STXBP5L: variants seen among roughly 807,000 people sequenced by gnomAD.
STXBP5L encodes the protein syntaxin-binding protein 5-like.
In STXBP5L, 65 loss-of-function variants were observed where a neutral mutation model predicts 144.5. That is an observed-to-expected ratio of 0.45 (90% CI 0.37 to 0.55). The LOEUF (loss-of-function observed/expected upper bound fraction) is 0.55, where lower values mean the gene tolerates loss of function less well. Among genes scored for constraint, STXBP5L ranks in the 20% least tolerant of loss-of-function variants. STXBP5L has a pLI of 0.00. For synonymous variants in STXBP5L, 505 were observed against 469.6 expected, an observed-to-expected ratio of 1.08 and a Z score of -0.97; for missense variants, 1,298 against 1,405.5, an observed-to-expected ratio of 0.92 and a Z score of 1.22.
chr3:121,110,171 CTG>C (rs1368709651), intron 5 of STXBP5L, among the ~76,000 whole-genome samples: 6 of 152,154 alleles, frequency 3.9e-5, no homozygotes, highest in African/African-American at 1.4e-4. Context: ...GCTTGCCATT[CTG>C]TGTCTTTTAA....
chr3:121,094,506 A>G (rs1332174324), intron 5 of STXBP5L, among the ~76,000 whole-genome samples: 10 of 152,158 alleles, frequency 6.6e-5, no homozygotes, highest in East Asian at 1.9e-4. Flanking sequence ...TTGTTGAATT[A>G]GTCCCTTTAC....
Position 121,087,819 on chromosome 3 carries a change from G to A in STXBP5L, c.471-27106G>A, listed in dbSNP as rs370370629. On this transcript the variant is annotated intron_variant, in intron 5 of 26. Coordinates refer to ENST00000471454, the MANE Select transcript of STXBP5L (RefSeq NM_001308330.2). ...TTTGACTTATTATTAGTTAATTTTA[G>A]TGTATTTCTTTGTATCACTTTTTAA... Among the ~76,000 whole-genome samples the A allele has an allele frequency of 4.9e-4, 75 of 151,760 alleles. No individual in the cohort carries two copies. In the East Asian group the frequency reaches 0.014, roughly 28 times the overall value.
chr3:121,288,897 A>G (rs1002135367), intron 19 of STXBP5L, among the ~76,000 whole-genome samples: 3 of 152,106 alleles, frequency 2.0e-5, no homozygotes, highest in African/African-American at 7.2e-5. Flanking sequence ...TGGCATCTTC[A>G]TCATGAAATC....
At chr3:121,063,623 G>A (rs2041394999) in intron 5 of STXBP5L, among the ~76,000 whole-genome samples, 1 of 152,190 alleles carries the variant, frequency 6.6e-6, no homozygotes. Flanking sequence ...TCTGTCCCAG[G>A]GAGATGAGAG....
chr3:121,360,303 G>A (rs2045672367), intron 20 of STXBP5L, among the ~76,000 whole-genome samples: 1 of 151,518 alleles, frequency 6.6e-6, no homozygotes, highest in Admixed American at 6.6e-5. Context: ...TATAGGTGAA[G>A]TGTTTTCTTG....
intron 9 of STXBP5L, among the ~76,000 whole-genome samples, chr3:121,198,633 C>A (rs1411292022): frequency 1.3e-5 from 2 of 152,274 alleles, no homozygotes; most frequent in South Asian, 4.1e-4. Flanking sequence ...ACATTTAAGT[C>A]TTTAATTCTT....
At chr3:121,145,382 C>A (rs2107958667) in intron 7 of STXBP5L, among the ~76,000 whole-genome samples, 1 of 151,908 alleles carries the variant, frequency 6.6e-6, no homozygotes, top group East Asian at 1.9e-4. Flanking sequence ...CTGAAAAAGT[C>A]TTTGAATAAA....
intron 3 of STXBP5L, among the ~76,000 whole-genome samples, chr3:121,000,648 G>A (rs1156308285): frequency 1.3e-5 from 2 of 152,138 alleles, no homozygotes; most frequent in Non-Finnish European, 2.9e-5. Context: ...AAGAACTATT[G>A]CTGGGAAGCT....
chr3:121,021,094 A>T (rs1005043209), intron 3 of STXBP5L, among the ~76,000 whole-genome samples: 1 of 151,810 alleles, frequency 6.6e-6, no homozygotes, highest in Non-Finnish European at 1.5e-5. Context: ...ATGCAACTGG[A>T]CACCAGAAGC....
intron 9 of STXBP5L, among the ~76,000 whole-genome samples, chr3:121,185,768 C>G (rs2047353234): frequency 6.6e-6 from 1 of 152,144 alleles, no homozygotes; most frequent in Admixed American, 6.5e-5. Context: ...TTAGGATTCT[C>G]TTGGCAATGT....
At chr3:121,230,126 G>A (rs941900794) in intron 11 of STXBP5L, among the ~76,000 whole-genome samples, 2 of 152,078 alleles carry the variant, frequency 1.3e-5, no homozygotes, top group Non-Finnish European at 2.9e-5. Context: ...TTTTAGCAGT[G>A]TGCTGAGATT....
At chr3:120,984,855 T>C (rs1281757605) in intron 3 of STXBP5L, among the ~76,000 whole-genome samples, 1 of 151,974 alleles carries the variant, frequency 6.6e-6, no homozygotes, top group Non-Finnish European at 1.5e-5. Context: ...CCTTATTTGT[T>C]GAGAGTTTTT....
rs145544608 is a variant in STXBP5L at position 121,278,980 on chromosome 3, G to A, written c.1959-825G>A. Among the ~76,000 whole-genome samples the A allele has an allele frequency of 1.3e-3, 191 of 151,516 alleles. 2 individuals carry two copies. Among genetic ancestry groups the A allele is most frequent in the African/African-American group, 4.4e-3 (182 of 41,354 alleles). On this transcript the variant is annotated intron_variant, in intron 18 of 26. Transcript: ENST00000471454. ...CATTTTAAGAGTAAGCAGATGGTTT[G>A]TAAACAAGATTCAATCTAAATAATA... is the stretch of plus-strand genomic sequence containing the variant.
chr3:121,292,483 A>T (rs917799693), intron 19 of STXBP5L, among the ~76,000 whole-genome samples: 3 of 152,190 alleles, frequency 2.0e-5, no homozygotes, highest in East Asian at 1.9e-4. Flanking sequence ...CAGTATGAAG[A>T]TTCCTTAAAG....
In STXBP5L at chr3:120,943,087, A is replaced by G. The variant is rs536821152; in HGVS notation, c.190-11853A>G. Reference sequence around the variant, plus strand: ...TTAAATTTTATTTATTTTCCCTTCCATGAAAAAGAAAAAGTATGAATAATT... The same window carrying G: ...TTAAATTTTATTTATTTTCCCTTCCGTGAAAAAGAAAAAGTATGAATAATT... On this transcript the variant is annotated intron_variant, in intron 2 of 26. Coordinates refer to ENST00000471454, the MANE Select transcript of STXBP5L (RefSeq NM_001308330.2). 9.2e-5 allele frequency among the ~76,000 whole-genome samples: 14 copies of G among 151,756 alleles called. No homozygotes were observed. In the South Asian group the frequency reaches 2.9e-3, roughly 31 times the overall value.
chr3:121,157,181 C>A lies in STXBP5L; in HGVS notation c.754-323C>A, dbSNP rs573119645. ...TCTCAATCTCTCAAGGCCTGTTTCACCATGTGTAAATTGAAAAATCAATAC... is the reference window on the plus strand; with the variant it reads ...TCTCAATCTCTCAAGGCCTGTTTCAACATGTGTAAATTGAAAAATCAATAC... On this transcript the variant is annotated intron_variant, in intron 8 of 26. Coordinates refer to ENST00000471454, the MANE Select transcript of STXBP5L (RefSeq NM_001308330.2). Among the ~76,000 whole-genome samples the A allele has an allele frequency of 3.5e-4, 54 of 152,156 alleles. 3 individuals carry two copies. The South Asian group carries it at 0.011, about 30-fold the overall frequency.
intron 20 of STXBP5L, among the ~76,000 whole-genome samples, chr3:121,341,763 A>G (rs2044721714): frequency 6.6e-6 from 1 of 152,184 alleles, no homozygotes; most frequent in African/African-American, 2.4e-5. Context: ...AGCCAGACAC[A>G]GAAAGACAAA....
chr3:121,090,334 G>C (rs1388213663), intron 5 of STXBP5L, among the ~76,000 whole-genome samples: 1 of 152,080 alleles, frequency 6.6e-6, no homozygotes, highest in Non-Finnish European at 1.5e-5. Flanking sequence ...GCTGCTGGGT[G>C]GGGTGGGATT....
rs996971004 is a variant in STXBP5L at position 121,159,632 on chromosome 3, T to C, written c.877+2005T>C. Among the ~76,000 whole-genome samples, 455 of 148,366 alleles carry C rather than the reference T, an allele frequency of 3.1e-3. 3 individuals are homozygous for C. The highest frequency in any genetic ancestry group is 0.01 in the African/African-American group (422 of 40,510). On this transcript the variant is annotated intron_variant, in intron 9 of 26. Coordinates refer to ENST00000471454, the MANE Select transcript of STXBP5L (RefSeq NM_001308330.2). ...TTGGGAAGAATGTACATTTTCTTTT[T>C]TTTTTTTTTTTTTTTGAGACGGAGT...
Sources: gnomAD v4.1 joint callset for allele counts (sites outside exome capture counted in the v4.1 genomes callset) on GRCh38, gnomAD v4.1.1 for gene constraint, MANE v1.5 for transcripts, NCBI Gene and HGNC (gene_info 2026-07-23, HGNC 2026-07-21) for gene names.